Variants in SCLT1 observed in about 807,000 individuals in gnomAD.
SCLT1 encodes sodium channel and clathrin linker 1.
SCLT1 carries 78 observed loss-of-function variants against 112.8 expected under a neutral mutation model. That is an observed-to-expected ratio of 0.69 (90% CI 0.58 to 0.83). The LOEUF is 0.83. Among genes scored for constraint, SCLT1 ranks in the 40% least tolerant of loss-of-function variants. The probability of loss-of-function intolerance (pLI) is 0.00; values close to 1 mark genes in which losing one functional copy is unlikely to be tolerated. For synonymous variants in SCLT1, 257 were observed against 254.7 expected (o/e 1.01, Z -0.09); for missense variants, 747 against 770.4 (o/e 0.97, Z 0.36).
At chr4:128,923,928 C>T in intron 18 of SCLT1, among the ~76,000 whole-genome samples, 1 of 152,142 alleles carries the variant, frequency 6.6e-6, no homozygotes, top group East Asian at 1.9e-4. Context: ...CCTACCTCAG[C>T]TTCCCAAGTA....
rs900387626 is a variant in SCLT1, at chr4:129,027,377, G to T, written c.290+11664C>A. ...CATGATCAAGTGGGCTTCATCCCTG[G>T]GATGCAAAGCTGGTTAAATATACGC... On this transcript the variant is annotated intron_variant, in intron 5 of 20. Coordinates refer to ENST00000281142, the MANE Select transcript of SCLT1 (RefSeq NM_144643.4). Among the ~76,000 whole-genome samples the T allele has an allele frequency of 3.3e-5, 5 of 152,132 alleles. No homozygotes were observed. The South Asian group carries it at 1.0e-3, about 32-fold the overall frequency.
At chr4:128,877,115 T>A (rs540811206) in intron 3 of SCLT1, among the ~76,000 whole-genome samples, 88 of 152,344 alleles carry the variant, frequency 5.8e-4, no homozygotes, top group Non-Finnish European at 1.1e-3. Context: ...AAAGCTGATT[T>A]TGTCATTCCA....
intron 5 of SCLT1, among the ~76,000 whole-genome samples, chr4:129,031,414 C>A (rs1440718582): frequency 6.6e-6 from 1 of 152,092 alleles, no homozygotes; most frequent in African/African-American, 2.4e-5. Context: ...TACAAGGATG[C>A]CCTCTCTCAC....
At chr4:129,007,117 G>T (rs1744097755) in intron 5 of SCLT1, among the ~76,000 whole-genome samples, 1 of 152,036 alleles carries the variant, frequency 6.6e-6, no homozygotes, top group African/African-American at 2.4e-5. Context: ...AACATAATCT[G>T]AATAATTTCA....
chr4:128,895,654 G>A (rs1028778023), intron 18 of SCLT1, among the ~76,000 whole-genome samples: 25 of 152,308 alleles, frequency 1.6e-4, no homozygotes, highest in East Asian at 3.9e-4. Flanking sequence ...CTGAGGTACC[G>A]GGTTCATCTC....
intron 18 of SCLT1, among the ~76,000 whole-genome samples, chr4:128,930,648 T>C (rs1019573623): frequency 1.3e-5 from 2 of 152,176 alleles, no homozygotes; most frequent in Non-Finnish European, 2.9e-5. Context: ...GAGTCAAAGA[T>C]GGCTATAAGG....
chr4:128,939,647 A>G (rs1044139994), intron 17 of SCLT1, among the ~76,000 whole-genome samples: 3 of 152,214 alleles, frequency 2.0e-5, no homozygotes, highest in African/African-American at 4.8e-5. Flanking sequence ...GGCGGAATTT[A>G]GACCATGAAG....
chr4:128,943,910 T>C (rs1018592260), intron 16 of SCLT1, among the ~76,000 whole-genome samples: 2 of 152,130 alleles, frequency 1.3e-5, no homozygotes, highest in Non-Finnish European at 2.9e-5. Flanking sequence ...GCTACTAATA[T>C]TGTGAAAGTT....
At chr4:129,032,246 C>T (rs1746789975) in intron 5 of SCLT1, among the ~76,000 whole-genome samples, 1 of 152,096 alleles carries the variant, frequency 6.6e-6, no homozygotes, top group Admixed American at 6.6e-5. Context: ...GGAAAGGATT[C>T]CCTATTTAAT....
chr4:128,921,901 A>G (rs2125961558), intron 18 of SCLT1, among the ~76,000 whole-genome samples: 1 of 152,344 alleles, frequency 6.6e-6, no homozygotes, highest in African/African-American at 2.4e-5. Flanking sequence ...TGTGCATGCT[A>G]TAAAAGTCTA....
intron 2 of SCLT1, among the ~76,000 whole-genome samples, chr4:129,047,387 C>T (rs1319012024): frequency 1.3e-5 from 2 of 152,048 alleles, no homozygotes; most frequent in Non-Finnish European, 2.9e-5. Context: ...TGGCTTGCTT[C>T]CTTGGCCAAT....
intron 4 of SCLT1, chr4:129,039,608 C>A (rs1747490917): frequency 6.4e-6 from 1 of 156,406 alleles, no homozygotes; most frequent in Non-Finnish European, 1.4e-5. Context: ...ACTATCTAAA[C>A]TCTCCGTACC....
chr4:128,937,971 T>G (rs1406517819), intron 17 of SCLT1, among the ~76,000 whole-genome samples: 2 of 152,198 alleles, frequency 1.3e-5, no homozygotes, highest in Non-Finnish European at 2.9e-5. Context: ...AAAAAGTTAC[T>G]GCAATATTTT....
At chr4:129,009,242 G>A (rs552521075) in intron 5 of SCLT1, among the ~76,000 whole-genome samples, 18 of 152,218 alleles carry the variant, frequency 1.2e-4, no homozygotes, top group Admixed American at 6.5e-4. Context: ...CAAGCCGGGC[G>A]CGGTGGCTCA....
chr4:128,963,947 G>GA (rs1355862140), intron 11 of SCLT1, among the ~76,000 whole-genome samples: 1 of 151,968 alleles, frequency 6.6e-6, no homozygotes, highest in African/African-American at 2.4e-5. Context: ...AAAGCACTTG[G>GA]AAAATGTCAT....
At chr4:128,983,296 A>C (rs1331980462) in intron 9 of SCLT1, among the ~76,000 whole-genome samples, 1 of 152,220 alleles carries the variant, frequency 6.6e-6, no homozygotes, top group Admixed American at 6.5e-5. Flanking sequence ...GGCAGGCATA[A>C]AATCTGAGCA....
At chr4:128,963,109 C>A (rs1007366913) in intron 11 of SCLT1, among the ~76,000 whole-genome samples, 3 of 151,986 alleles carry the variant, frequency 2.0e-5, no homozygotes, top group Non-Finnish European at 4.4e-5. Flanking sequence ...TGGCAGCCAA[C>A]CAAGAGTCAA....
At chr4:129,083,116 G>A (rs1310332102) in intron 1 of SCLT1, among the ~76,000 whole-genome samples, 5 of 150,338 alleles carry the variant, frequency 3.3e-5, no homozygotes, top group Middle Eastern at 3.4e-3. Flanking sequence ...ACTTGTACCC[G>A]GGAGGCAGAA....
At chr4:128,878,545 TG>T (rs1369289238) in intron 3 of SCLT1, among the ~76,000 whole-genome samples, 4 of 152,210 alleles carry the variant, frequency 2.6e-5, no homozygotes, top group African/African-American at 9.6e-5. Flanking sequence ...ATCAAAAGCT[TG>T]TGATGGTATC....
Sources: allele counts gnomAD v4.1 joint callset (sites outside exome capture counted in the v4.1 genomes callset), GRCh38; gene constraint gnomAD v4.1.1; transcripts MANE v1.5; gene names NCBI Gene and HGNC (gene_info 2026-07-23, HGNC 2026-07-21).